RAD52: variants seen among roughly 807,000 people sequenced by gnomAD.
RAD52 encodes the protein RAD52 DNA repair protein.
Under a neutral mutation model 55.5 loss-of-function variants are expected in RAD52, and 47 were observed. That is an observed-to-expected ratio of 0.85 (90% confidence interval 0.67 to 1.08). The LOEUF (loss-of-function observed/expected upper bound fraction) is 1.08, where lower values mean the gene tolerates loss of function less well. Ranked by LOEUF, RAD52 falls within the 50% of genes least tolerant of loss-of-function variation. The probability of loss-of-function intolerance (pLI) is 0.00; values close to 1 mark genes in which losing one functional copy is unlikely to be tolerated. For missense variants in RAD52, 468 were observed against 522.8 expected, an observed-to-expected ratio of 0.90 and a Z score of 1.02; for synonymous variants, 184 against 198.9, an observed-to-expected ratio of 0.92 and a Z score of 0.63.
chr12:914,968 C>T (rs1465245079), intron 9 of RAD52, among the ~76,000 whole-genome samples: 1 of 152,074 alleles, frequency 6.6e-6, no homozygotes, highest in East Asian at 1.9e-4. Context: ...GACGCCACCT[C>T]TACAAAAAAT....
chr12:981,216 C>T (rs1377035853), intron 1 of RAD52, among the ~76,000 whole-genome samples: 1 of 151,690 alleles, frequency 6.6e-6, no homozygotes, highest in Non-Finnish European at 1.5e-5. Flanking sequence ...GGCTGTAGTC[C>T]CAGCTACTTG....
intron 1 of RAD52, among the ~76,000 whole-genome samples, chr12:962,070 C>T (rs1005455215): frequency 1.8e-4 from 28 of 152,112 alleles, no homozygotes; most frequent in African/African-American, 6.5e-4. Context: ...TAAAGCCACC[C>T]AGTCTGTAGT....
chr12:964,080 G>A (rs1437564400), intron 1 of RAD52, among the ~76,000 whole-genome samples: 1 of 152,118 alleles, frequency 6.6e-6, no homozygotes, highest in Non-Finnish European at 1.5e-5. Context: ...GGCACCAGGA[G>A]GCAAGCACAG....
chr12:943,771 T>G (rs762381924), intron 1 of RAD52, among the ~76,000 whole-genome samples: 6 of 148,148 alleles, frequency 4.1e-5, no homozygotes, highest in Non-Finnish European at 7.4e-5. Flanking sequence ...TTTATCTTTG[T>G]GTGTGTGGTT....
chr12:926,027 G>A lies in RAD52; in HGVS notation c.468-502C>T, dbSNP rs569850668. 7.2e-5 allele frequency among the ~76,000 whole-genome samples: 11 copies of A among 152,216 alleles called. No homozygotes were observed. In the East Asian group the frequency reaches 1.9e-3, roughly 27 times the overall value. Reference sequence around the variant, plus strand: ...CTTCAATTCTCAAAGACACGGATATGGTTTGGATGTTTATCCCCTCCAAAT... The same window carrying A: ...CTTCAATTCTCAAAGACACGGATATAGTTTGGATGTTTATCCCCTCCAAAT... On this transcript the variant is annotated intron_variant, in intron 6 of 11. Transcript: ENST00000358495.
intron 7 of RAD52, among the ~76,000 whole-genome samples, chr12:918,487 C>T (rs889609719): frequency 6.6e-6 from 1 of 152,160 alleles, no homozygotes; most frequent in Non-Finnish European, 1.5e-5. Context: ...GCCTGGGCCT[C>T]CTAGGCTCAA....
At chr12:938,887 G>A (rs750836293) in intron 1 of RAD52, among the ~76,000 whole-genome samples, 26 of 151,758 alleles carry the variant, frequency 1.7e-4, no homozygotes, top group Non-Finnish European at 3.4e-4. Flanking sequence ...TCAGCCTCCC[G>A]AGTAGCTTAG....
chr12:915,585 A>C (rs1956316910), intron 9 of RAD52, among the ~76,000 whole-genome samples: 1 of 152,226 alleles, frequency 6.6e-6, no homozygotes, highest in African/African-American at 2.4e-5. Context: ...CATCTGTATC[A>C]CTATTCCCAC....
At chr12:962,693 C>CTTAT (rs754599069) in intron 1 of RAD52, among the ~76,000 whole-genome samples, 5 of 151,158 alleles carry the variant, frequency 3.3e-5, no homozygotes, top group Non-Finnish European at 5.9e-5. Context: ...GTTTGCATGC[C>CTTAT]TTATTTATTT....
chr12:963,559 T>G (rs1592476277), intron 1 of RAD52, among the ~76,000 whole-genome samples: 1 of 152,354 alleles, frequency 6.6e-6, no homozygotes, highest in East Asian at 1.9e-4. Context: ...TTTCCACTGA[T>G]TCCTTTCAAT....
At chr12:981,596 C>T (rs980155007) in intron 1 of RAD52, among the ~76,000 whole-genome samples, 3 of 151,634 alleles carry the variant, frequency 2.0e-5, no homozygotes, top group Non-Finnish European at 2.9e-5. Context: ...AAATTCAAAA[C>T]CTAGTAAGAC....
At chr12:973,133 G>A (rs933327056) in intron 1 of RAD52, among the ~76,000 whole-genome samples, 1 of 152,070 alleles carries the variant, frequency 6.6e-6, no homozygotes, top group African/African-American at 2.4e-5. Flanking sequence ...GCAGTGGCGC[G>A]ATCTCGGCTC....
chr12:981,209 T>C (rs1592498444), intron 1 of RAD52, among the ~76,000 whole-genome samples: 4 of 150,344 alleles, frequency 2.7e-5, no homozygotes, highest in South Asian at 2.1e-4. Context: ...GGCAAGTGGC[T>C]GTAGTCCCAG....
intron 1 of RAD52, among the ~76,000 whole-genome samples, chr12:939,137 C>T (rs535165792): frequency 2.0e-5 from 3 of 147,722 alleles, no homozygotes; most frequent in African/African-American, 7.5e-5. Flanking sequence ...ATTTATGAAC[C>T]TAGGTGAAGG....
intron 7 of RAD52, among the ~76,000 whole-genome samples, chr12:918,038 T>A (rs990950381): frequency 1.3e-5 from 2 of 151,954 alleles, no homozygotes; most frequent in Non-Finnish European, 2.9e-5. Context: ...CCACGTGGGG[T>A]GTGAATTAAT....
At chr12:957,323 C>T (rs1051374855) in intron 1 of RAD52, among the ~76,000 whole-genome samples, 1 of 151,488 alleles carries the variant, frequency 6.6e-6, no homozygotes, top group Admixed American at 6.6e-5. Context: ...ATTAGCTGGG[C>T]GTGGTGGTGG....
intron 1 of RAD52, among the ~76,000 whole-genome samples, chr12:935,806 T>C (rs7960039): frequency 0.26 from 39,523 of 149,778 alleles, 5,366 homozygotes; most frequent in East Asian, 0.37. Flanking sequence ...TGAGCCGAGA[T>C]TGCGCCATTG....
chr12:943,411 C>T (rs1049885039), intron 1 of RAD52, among the ~76,000 whole-genome samples: 10 of 152,182 alleles, frequency 6.6e-5, no homozygotes, highest in African/African-American at 1.9e-4. Flanking sequence ...GGCACAATCT[C>T]GGCTCACTGC....
chr12:932,786 G>A (rs530143626), intron 2 of RAD52, among the ~76,000 whole-genome samples, 189 bp downstream of exon 2: 109 of 151,834 alleles, frequency 7.2e-4, no homozygotes, highest in Middle Eastern at 3.4e-3. Context: ...GCCCCCGCAC[G>A]CACCGCGTCA....
Sources: allele counts gnomAD v4.1 joint callset (sites outside exome capture counted in the v4.1 genomes callset), GRCh38; gene constraint gnomAD v4.1.1; transcripts MANE v1.5; gene names NCBI Gene and HGNC (gene_info 2026-07-23, HGNC 2026-07-21).